ZNF790: variants seen among roughly 807,000 people sequenced by gnomAD.
ZNF790 encodes the protein zinc finger protein 790.
A neutral mutation model predicts 12.1 loss-of-function variants in ZNF790; 8 were observed. That is an observed-to-expected ratio of 0.66 (90% CI 0.39 to 1.19). The LOEUF is 1.19. Ranked by LOEUF, ZNF790 falls within the 50% of genes most tolerant of loss-of-function variation. ZNF790 has a pLI of 0.01. For synonymous variants in ZNF790, 252 were observed against 244.3 expected (o/e 1.03, Z -0.29); for missense variants, 707 against 752.2 (o/e 0.94, Z 0.70).
chr19:36,845,035 G>T, intron 1 of ZNF790, among the ~76,000 whole-genome samples: 1 of 99,092 alleles, frequency 1.0e-5, no homozygotes, highest in African/African-American at 3.9e-5. Flanking sequence ...GCGACAGAGC[G>T]AGACTCCGTC....
At chr19:36,831,786 A>T (rs576854402) in intron 1 of ZNF790, among the ~76,000 whole-genome samples, 14 of 152,228 alleles carry the variant, frequency 9.2e-5, no homozygotes, top group Non-Finnish European at 1.8e-4. Flanking sequence ...TACAGTTTTA[A>T]TACTCAAGAT....
At chr19:36,829,307 T>G (rs1483272270) in intron 1 of ZNF790, among the ~76,000 whole-genome samples, 1 of 152,202 alleles carries the variant, frequency 6.6e-6, no homozygotes, top group Admixed American at 6.5e-5. Flanking sequence ...TGCCCCATAC[T>G]TAGCCTCAAA....
At chr19:36,829,470 C>T (rs1013309797) in intron 1 of ZNF790, among the ~76,000 whole-genome samples, 1 of 152,200 alleles carries the variant, frequency 6.6e-6, no homozygotes, top group Non-Finnish European at 1.5e-5. Context: ...GTACTTCATT[C>T]CTTGCTATGC....
chr19:36,820,912 T>TA (rs1325459850), intron 4 of ZNF790, among the ~76,000 whole-genome samples: 3 of 148,312 alleles, frequency 2.0e-5, no homozygotes, highest in Non-Finnish European at 3.0e-5. Context: ...TTTTTTTTTT[T>TA]AATACTTTGA....
Position 36,817,539 on chromosome 19 carries a change from C to T in ZNF790, c.*894G>A, listed in dbSNP as rs2071576655. On this transcript the variant is annotated 3_prime_UTR_variant, in exon 5 of 5. Transcript: ENST00000356725. ...TAATCATTATAGTCTTAAAAGTCCT[C>T]CTCTCATAAAATGGCTTAATACCAA... The T allele has an allele frequency of 6.6e-6, 1 of 151,652 alleles. No individual in the cohort carries two copies. Among genetic ancestry groups the T allele is most frequent in the South Asian group, 2.1e-4 (1 of 4,810 alleles). The allele number at this position is 151,652 out of a possible 1,614,324, so 9.4% of individuals were successfully genotyped here.
chr19:36,823,887 C>T (rs2071732935), intron 2 of ZNF790, 97 bp from the exon 3 acceptor site: 3 of 1,166,360 alleles, frequency 2.6e-6, no homozygotes, highest in African/African-American at 1.6e-5. Context: ...AGGGGCACTG[C>T]AGGGAGTGGG....
At chr19:36,825,303 C>G (rs891859858) in intron 2 of ZNF790, among the ~76,000 whole-genome samples, 1 of 152,188 alleles carries the variant, frequency 6.6e-6, no homozygotes, top group African/African-American at 2.4e-5. Flanking sequence ...ATTATTCTAT[C>G]CCCTCTTGTT....
At chr19:36,849,045 AG>A (rs2072211908) in intron 1 of ZNF790, among the ~76,000 whole-genome samples, 1 of 152,120 alleles carries the variant, frequency 6.6e-6, no homozygotes, top group Non-Finnish European at 1.5e-5. Context: ...CACCCACTTC[AG>A]TCTCCCAAAG....
rs574380039 is a variant in ZNF790 at position 36,817,794 on chromosome 19, G to T, written c.*639C>A. ...CAACAGAATTTTGCTAATGATGAAA[G>T]ATTTCCAAAATGAATTATATATAAA... On this transcript the variant is annotated 3_prime_UTR_variant, in exon 5 of 5. Transcript: ENST00000356725. The T allele has an allele frequency of 6.6e-6, 1 of 152,146 alleles. No individual in the cohort carries two copies. Among genetic ancestry groups the T allele is most frequent in the Non-Finnish European group, 1.5e-5 (1 of 68,016 alleles). The allele number at this position is 152,146 out of a possible 1,614,324, so 9.4% of individuals were successfully genotyped here.
Position 36,819,829 on chromosome 19 carries a change from A to T in ZNF790, c.515T>A (p.Phe172Tyr), listed in dbSNP as rs2071626783. The T allele has an allele frequency of 6.2e-7, 1 of 1,613,582 alleles. No individual in the cohort carries two copies. The highest frequency in any genetic ancestry group is 2.2e-5 in the East Asian group (1 of 44,884). Residue 172 changes from phenylalanine (F) to tyrosine (Y), a missense_variant, in exon 5 of 5, where the codon TTT (phenylalanine) becomes TAT (tyrosine). Phe to Tyr is a conservative substitution (Grantham distance 22). Transcript: ENST00000356725. Reference protein sequence around the residue: ...RLNTGDKLNEFKELGKAFISG... With the variant: ...RLNTGDKLNEYKELGKAFISG... ...AATAAAGGCTTTCCCCAGTTCTTTA[A>T]ATTCATTCAGTTTGTCTCCTGTATT...
chr19:36,829,473 T>G (rs1600661493), intron 1 of ZNF790, among the ~76,000 whole-genome samples: 1 of 152,252 alleles, frequency 6.6e-6, no homozygotes, highest in East Asian at 1.9e-4. Flanking sequence ...CTTCATTCCT[T>G]GCTATGCCTG....
chr19:36,846,185 ACT>A (rs1436450697), intron 1 of ZNF790, among the ~76,000 whole-genome samples: 1 of 152,096 alleles, frequency 6.6e-6, no homozygotes, highest in Non-Finnish European at 1.5e-5. Context: ...AGAATGGTAT[ACT>A]CTGTGAGGAC....
At chr19:36,832,665 TC>T (rs1381106514) in intron 1 of ZNF790, among the ~76,000 whole-genome samples, 1 of 152,200 alleles carries the variant, frequency 6.6e-6, no homozygotes, top group African/African-American at 2.4e-5. Flanking sequence ...AGCCAGAACT[TC>T]CCAGCTAAGC....
At position 36,817,609 on chromosome 19, in the gene ZNF790, C is replaced by T. The variant is rs1461810543; in HGVS notation, c.*824G>A. The T allele has an allele frequency of 1.3e-5, 2 of 151,624 alleles. No homozygotes were observed. The highest frequency in any genetic ancestry group is 4.8e-5 in the African/African-American group (2 of 41,240). The allele number at this position is 151,624 out of a possible 1,614,324, so 9.4% of individuals were successfully genotyped here. A position where few individuals can be genotyped will look rare whatever the true frequency, so the allele number is the denominator to read the frequency against. On this transcript the variant is annotated 3_prime_UTR_variant, in exon 5 of 5. Coordinates refer to ENST00000356725, the MANE Select transcript of ZNF790 (RefSeq NM_206894.4). ...GTCATGTAAATCTCAAATCATTCAA[C>T]CCTTATAATCTAATGAATACGATTA...
At position 36,838,207 on chromosome 19, in the gene ZNF790, G is replaced by T. The variant is rs1042330869; in HGVS notation, c.-74+130C>A. ...CACTCTCGCATCCACTGCTCCCATC[G>T]CGATCGCTCGCCCCCACGCTCCCTC... is the stretch of plus-strand genomic sequence containing the variant. On this transcript the variant is annotated intron_variant, in intron 1 of 4. Coordinates refer to ENST00000356725, the MANE Select transcript of ZNF790 (RefSeq NM_206894.4). This position sits in a 1 kb window ranked among gnomAD's most constrained non-coding sequence, Gnocchi z 4.4. 1.3e-5 allele frequency: 2 copies of T among 153,098 alleles called. No homozygotes were observed. The highest frequency in any genetic ancestry group is 2.4e-5 in the African/African-American group (1 of 41,410). The allele number at this position is 153,098 out of a possible 1,614,324, so 9.5% of individuals were successfully genotyped here.
chr19:36,836,787 C>A (rs1227998345), intron 1 of ZNF790, among the ~76,000 whole-genome samples: 1 of 152,030 alleles, frequency 6.6e-6, no homozygotes, highest in Non-Finnish European at 1.5e-5. Flanking sequence ...CACCTGAAGC[C>A]CCTACCCAAC....
intron 1 of ZNF790, among the ~76,000 whole-genome samples, chr19:36,844,214 G>T (rs139025918): frequency 6.6e-6 from 1 of 151,706 alleles, no homozygotes; most frequent in African/African-American, 2.4e-5. Context: ...GTGAAGCTGA[G>T]GTGGGAGGAT....
chr19:36,827,139 CACATATATATATATATATATATATATAT>C (rs2071833693), intron 1 of ZNF790, among the ~76,000 whole-genome samples: 1 of 70,208 alleles, frequency 1.4e-5, no homozygotes, highest in African/African-American at 6.2e-5. Flanking sequence ...CACACACACA[CACATATATATATATATATATATATATAT>C]ATATATATAT....
upstream of ZNF790, among the ~76,000 whole-genome samples, chr19:36,839,080 A>G (rs1371616893): frequency 2.0e-5 from 3 of 152,224 alleles, no homozygotes; most frequent in Admixed American, 6.5e-5. Context: ...GGTTTCAATT[A>G]ATGTTTATAG....
Sources: gnomAD v4.1 joint callset for allele counts (sites outside exome capture counted in the v4.1 genomes callset) on GRCh38, gnomAD v4.1.1 for gene constraint, Gnocchi (gnomAD v3.1) non-coding constraint, MANE v1.5 for transcripts, NCBI Gene and HGNC (gene_info 2026-07-23, HGNC 2026-07-21) for gene names.